HS3ST4: variants seen among roughly 807,000 people sequenced by gnomAD.
HS3ST4 encodes the protein heparan sulfate glucosamine 3-O-sulfotransferase 4.
In HS3ST4, 17 loss-of-function variants were observed where a neutral mutation model predicts 29.2. That is an observed-to-expected ratio of 0.58 (90% confidence interval 0.40 to 0.87). The LOEUF is 0.87. Ranked by LOEUF, HS3ST4 falls within the 40% of genes least tolerant of loss-of-function variation. HS3ST4 has a pLI of 0.00. For missense variants in HS3ST4, 627 were observed against 634.5 expected (o/e 0.99, Z 0.13); for synonymous variants, 314 against 285.7 (o/e 1.10, Z -1.00).
chr16:26,127,481 G>A (rs567870235), intron 1 of HS3ST4, among the ~76,000 whole-genome samples: 3 of 152,246 alleles, frequency 2.0e-5, no homozygotes, highest in East Asian at 1.9e-4. Context: ...TTGTTACCAG[G>A]GATTCTTTCC....
intron 1 of HS3ST4, among the ~76,000 whole-genome samples, chr16:25,722,040 G>C (rs547455878): frequency 2.6e-5 from 4 of 152,248 alleles, no homozygotes; most frequent in East Asian, 3.9e-4. Context: ...AGAAGATTTC[G>C]ATCCTTTGTT....
chr16:25,868,157 T>C (rs11646389), intron 1 of HS3ST4, among the ~76,000 whole-genome samples: 41,795 of 151,994 alleles, frequency 0.27, 6,181 homozygotes, highest in East Asian at 0.45. Context: ...ATCTCCTTCT[T>C]CTGCCTGCCT....
chr16:25,941,536 TTTTG>T (rs1567277265), intron 1 of HS3ST4, among the ~76,000 whole-genome samples: 1 of 152,002 alleles, frequency 6.6e-6, no homozygotes, highest in Non-Finnish European at 1.5e-5. Flanking sequence ...CTTTTTGTTT[TTTTG>T]TTTGTTTTGT....
chr16:26,035,365 T>G lies in HS3ST4; in HGVS notation c.735-100247T>G, dbSNP rs1347604718. ...TAACTTCTCCAGCCCAGACACATCC[T>G]CAGTGTTCCATATTTTTACATCCAA... On this transcript the variant is annotated intron_variant, in intron 1 of 1. Transcript: ENST00000331351. Among the ~76,000 whole-genome samples the G allele has an allele frequency of 2.0e-5, 3 of 152,210 alleles. No individual in the cohort carries two copies. The East Asian group carries it at 5.8e-4, about 29-fold the overall frequency.
At chr16:26,034,810 ATAAATAAATAAG>A (rs1475624402) in intron 1 of HS3ST4, among the ~76,000 whole-genome samples, 1 of 152,120 alleles carries the variant, frequency 6.6e-6, no homozygotes, top group Non-Finnish European at 1.5e-5. Context: ...AACTACAAAC[ATAAATAAATAAG>A]TAAATAAATA....
At chr16:26,109,257 A>G (rs773096727) in intron 1 of HS3ST4, among the ~76,000 whole-genome samples, 1 of 152,122 alleles carries the variant, frequency 6.6e-6, no homozygotes, top group South Asian at 2.1e-4. Context: ...TAAAAGCTGG[A>G]TGCAATTTCT....
At chr16:25,773,142 A>G (rs1385679110) in intron 1 of HS3ST4, among the ~76,000 whole-genome samples, 3 of 152,162 alleles carry the variant, frequency 2.0e-5, no homozygotes, top group African/African-American at 7.2e-5. Flanking sequence ...ATGTCACACA[A>G]AACTGCTGCT....
intron 1 of HS3ST4, among the ~76,000 whole-genome samples, chr16:26,117,650 A>G (rs1899217739): frequency 6.6e-6 from 1 of 152,176 alleles, no homozygotes; most frequent in South Asian, 2.1e-4. Flanking sequence ...CCTTCTTAAT[A>G]TCTGGTAGCA....
At chr16:25,781,568 T>A (rs1966852629) in intron 1 of HS3ST4, among the ~76,000 whole-genome samples, 1 of 152,122 alleles carries the variant, frequency 6.6e-6, no homozygotes, top group Admixed American at 6.5e-5. Context: ...ACAAACTAAT[T>A]TAATCCTCAC....
intron 1 of HS3ST4, among the ~76,000 whole-genome samples, chr16:25,710,808 C>CTTTTTTTTT (rs34759495): frequency 2.1e-5 from 1 of 48,522 alleles, no homozygotes; most frequent in African/African-American, 8.5e-5. Context: ...GCATATTATC[C>CTTTTTTTTT]TTTTTTTTTT....
At chr16:25,913,854 AGGGTGTGTGTGG>A (rs975060465) in intron 1 of HS3ST4, among the ~76,000 whole-genome samples, 13 of 121,278 alleles carry the variant, frequency 1.1e-4, no homozygotes, top group Middle Eastern at 7.1e-3. Flanking sequence ...ATGTGGAGGG[AGGGTGTGTGTGG>A]GGGTGTGTGT....
At chr16:25,806,591 T>C (rs1567243967) in intron 1 of HS3ST4, among the ~76,000 whole-genome samples, 1 of 152,234 alleles carries the variant, frequency 6.6e-6, no homozygotes, top group Non-Finnish European at 1.5e-5. Context: ...GTGTGGAGTC[T>C]TCTTTTGCTC....
At chr16:25,717,562 T>C (rs1221306445) in intron 1 of HS3ST4, among the ~76,000 whole-genome samples, 2 of 145,378 alleles carry the variant, frequency 1.4e-5, no homozygotes, top group African/African-American at 5.1e-5. Flanking sequence ...TGTTTGGCAA[T>C]CCAAGCAGAG....
At chr16:26,113,056 A>G (rs1899152356) in intron 1 of HS3ST4, among the ~76,000 whole-genome samples, 1 of 152,248 alleles carries the variant, frequency 6.6e-6, no homozygotes, top group South Asian at 2.1e-4. Flanking sequence ...GTCTATCATC[A>G]GAAAAATGAG....
chr16:26,011,720 GA>G (rs1471529300), intron 1 of HS3ST4, among the ~76,000 whole-genome samples: 5 of 98,664 alleles, frequency 5.1e-5, no homozygotes, highest in East Asian at 3.5e-4. Context: ...GAGACAGAGA[GA>G]GGTGTGTGTG....
chr16:25,763,294 A>G (rs1966799805), intron 1 of HS3ST4, among the ~76,000 whole-genome samples: 1 of 152,172 alleles, frequency 6.6e-6, no homozygotes, highest in Admixed American at 6.5e-5. Context: ...TTTTCTCCTC[A>G]GCTGCATCTC....
intron 1 of HS3ST4, among the ~76,000 whole-genome samples, chr16:25,927,829 A>G (rs1299376172): frequency 6.6e-6 from 1 of 152,082 alleles, no homozygotes; most frequent in African/African-American, 2.4e-5. Context: ...ACCATGTTCC[A>G]GATCCTGTTC....
chr16:25,941,863 A>G (rs1356655867), intron 1 of HS3ST4, among the ~76,000 whole-genome samples: 3 of 152,244 alleles, frequency 2.0e-5, no homozygotes, highest in Non-Finnish European at 4.4e-5. Flanking sequence ...GGTGTGAGCC[A>G]CCATGCCTGG....
chr16:26,032,853 G>A (rs1285810907), intron 1 of HS3ST4: 14 of 1,557,910 alleles, frequency 9.0e-6, no homozygotes, highest in Admixed American at 6.9e-5. Flanking sequence ...TGCTGGACGC[G>A]GGATGCAGTG....
Sources: allele counts gnomAD v4.1 joint callset (sites outside exome capture counted in the v4.1 genomes callset), GRCh38; gene constraint gnomAD v4.1.1; transcripts MANE v1.5; gene names NCBI Gene and HGNC (gene_info 2026-07-23, HGNC 2026-07-21).